ASB2: variants seen among roughly 807,000 people sequenced by gnomAD.
ASB2 encodes ankyrin repeat and SOCS box containing 2, also known as ankyrin repeat and SOCS box protein 2.
In ASB2, 58 loss-of-function variants were observed where a neutral mutation model predicts 62.4. The ratio of observed to expected loss-of-function variants is 0.93; its 90% CI spans 0.75 to 1.16. The LOEUF (loss-of-function observed/expected upper bound fraction) is 1.16, where lower values mean the gene tolerates loss of function less well. Among genes scored for constraint, ASB2 ranks in the 50% most tolerant of loss-of-function variants. ASB2 has a pLI of 0.00. For synonymous variants in ASB2, 386 were observed against 385.3 expected, an observed-to-expected ratio of 1.00 and a Z score of -0.02; for missense variants, 928 against 887.9, an observed-to-expected ratio of 1.05 and a Z score of -0.57.
intron 1 of ASB2, among the ~76,000 whole-genome samples, chr14:93,967,432 G>A: frequency 6.6e-6 from 1 of 152,254 alleles, no homozygotes; most frequent in East Asian, 1.9e-4. Context: ...AGCAGGAAGT[G>A]CTGGTGCCCA....
At chr14:93,957,873 G>C (rs1015629274) in intron 2 of ASB2, among the ~76,000 whole-genome samples, 1 of 152,046 alleles carries the variant, frequency 6.6e-6, no homozygotes, top group East Asian at 1.9e-4. Context: ...TGGCACTCTC[G>C]ACACCCCAGT....
intron 7 of ASB2, among the ~76,000 whole-genome samples, chr14:93,940,918 C>G (rs562682949): frequency 6.6e-6 from 1 of 152,346 alleles, no homozygotes; most frequent in African/African-American, 2.4e-5. Flanking sequence ...CCCAGGCAGT[C>G]TGACCCCAAA....
chr14:93,956,974 G>A, intron 2 of ASB2, 104 bp from the exon 3 acceptor site: 1 of 1,494,584 alleles, frequency 6.7e-7, no homozygotes. Flanking sequence ...GCCAGGGAGA[G>A]ACTGACTGAC....
intron 2 of ASB2, among the ~76,000 whole-genome samples, chr14:93,961,290 C>T (rs1445973384): frequency 6.6e-6 from 1 of 152,218 alleles, no homozygotes; most frequent in African/African-American, 2.4e-5. Flanking sequence ...AGCCACCCAC[C>T]TAAGGTTGCA....
chr14:93,963,410 C>T (rs1398148696), intron 2 of ASB2, among the ~76,000 whole-genome samples: 2 of 152,076 alleles, frequency 1.3e-5, no homozygotes, highest in Admixed American at 6.5e-5. Context: ...GGGTGAGGAG[C>T]AAAAGCAATT....
chr14:93,957,458 C>A (rs1363586898), intron 2 of ASB2: 7 of 934,326 alleles, frequency 7.5e-6, no homozygotes, highest in African/African-American at 1.8e-5. Context: ...GGAAGGGCGT[C>A]GGAACCAGGG....
intron 2 of ASB2, among the ~76,000 whole-genome samples, chr14:93,961,700 A>T (rs1298311670): frequency 6.6e-6 from 1 of 152,192 alleles, no homozygotes; most frequent in Non-Finnish European, 1.5e-5. Flanking sequence ...ATTTATTTGG[A>T]CAGATAAAAG....
intron 1 of ASB2, among the ~76,000 whole-genome samples, chr14:93,974,889 C>T (rs961918130): frequency 1.3e-5 from 2 of 152,200 alleles, no homozygotes; most frequent in South Asian, 2.1e-4. Flanking sequence ...GGTCACCGTG[C>T]GTGGGTTAGA....
At chr14:93,945,811 A>T (rs1261412325) in intron 7 of ASB2, among the ~76,000 whole-genome samples, 1 of 152,170 alleles carries the variant, frequency 6.6e-6, no homozygotes, top group East Asian at 1.9e-4. Context: ...AGTCTTTGGA[A>T]TGTCACTTTG....
chr14:93,944,758 C>T (rs1261603385), intron 7 of ASB2, among the ~76,000 whole-genome samples: 2 of 152,138 alleles, frequency 1.3e-5, no homozygotes, highest in Non-Finnish European at 2.9e-5. Flanking sequence ...GGGAATTCGC[C>T]CTGGGAATCC....
chr14:93,944,785 G>T (rs1316112593), intron 7 of ASB2, among the ~76,000 whole-genome samples: 1 of 152,206 alleles, frequency 6.6e-6, no homozygotes, highest in Non-Finnish European at 1.5e-5. Context: ...ATCCAAGGTA[G>T]ATGAGTTTAC....
rs146074696 is a variant in ASB2, at chr14:93,972,925, C to A, written c.-74+3509G>T. On this transcript the variant is annotated intron_variant, in intron 1 of 9. Transcript: ENST00000555019. ...AAGGAAAGCACCCACAAAGGCCAAG[C>A]TTCCAGTTTACCCCCAGCCACCACC... 2.6e-5 allele frequency among the ~76,000 whole-genome samples: 4 copies of A among 152,354 alleles called. No individual in the cohort carries two copies. In the East Asian group the frequency reaches 7.7e-4, roughly 29 times the overall value.
chr14:93,964,219 T>G, intron 2 of ASB2, 115 bp downstream of exon 2: 9 of 969,208 alleles, frequency 9.3e-6, no homozygotes, highest in Non-Finnish European at 1.4e-5. Context: ...GGGAAAGGTG[T>G]GAAAAGCAAC....
chr14:93,953,340 T>C lies in ASB2; in HGVS notation c.634+12A>G, dbSNP rs532338811. On this transcript the variant is annotated intron_variant, in intron 5 of 9. Coordinates refer to ENST00000555019, the MANE Select transcript of ASB2 (RefSeq NM_001202429.2). ...TTCCGCAGGAAAGCTCACTCCGGGG[T>C]GGGGACCTCACCTTTGTAGAGCGGT... 1.7e-5 allele frequency: 26 copies of C among 1,558,822 alleles called. No homozygotes were observed. In the African/African-American group the frequency reaches 3.3e-4, roughly 20 times the overall value.
At chr14:93,941,025 C>T (rs1888497952) in intron 7 of ASB2, among the ~76,000 whole-genome samples, 1 of 152,188 alleles carries the variant, frequency 6.6e-6, no homozygotes, top group African/African-American at 2.4e-5. Flanking sequence ...TGTTAACTTG[C>T]CTGCCCATTT....
chr14:93,961,685 T>A (rs2896252), intron 2 of ASB2, among the ~76,000 whole-genome samples: 97,032 of 152,106 alleles, frequency 0.64, 32,765 homozygotes, highest in East Asian at 0.97. Context: ...CTAAACTTGC[T>A]GTGAATTTAT....
chr14:93,951,430 G>A (rs1366383724), intron 5 of ASB2, among the ~76,000 whole-genome samples, 186 bp from the exon 6 acceptor site: 1 of 152,220 alleles, frequency 6.6e-6, no homozygotes, highest in African/African-American at 2.4e-5. Context: ...ACTAACATTA[G>A]CAAGAATACT....
At chr14:93,952,469 A>T (rs1045597752) in intron 5 of ASB2, among the ~76,000 whole-genome samples, 1 of 152,224 alleles carries the variant, frequency 6.6e-6, no homozygotes, top group Admixed American at 6.5e-5. Context: ...CACTGGATAG[A>T]CACATGGGAA....
chr14:93,954,453 C>T lies in ASB2; in HGVS notation c.342G>A (p.Lys114=), dbSNP rs746369094. 1 of 1,614,222 alleles carries T rather than the reference C, an allele frequency of 6.2e-7. No individual in the cohort carries two copies. The highest frequency in any genetic ancestry group is 1.1e-5 in the South Asian group (1 of 91,088). ...TCTTCAAGGCCTCTTCATCGCCATC[C>T]TTGATGGCCTTTATCAAGGGGTCCG... ...APADPLIKAI[K]DGDEEALKTM... is the part of the protein sequence containing the mutation. Residue 114 remains lysine (K), a synonymous_variant, in exon 4 of 10, where the codon AAG becomes AAA. Coordinates refer to ENST00000555019, the MANE Select transcript of ASB2 (RefSeq NM_001202429.2).
Sources: gnomAD v4.1 joint callset for allele counts (sites outside exome capture counted in the v4.1 genomes callset) on GRCh38, gnomAD v4.1.1 for gene constraint, MANE v1.5 for transcripts, NCBI Gene and HGNC (gene_info 2026-07-23, HGNC 2026-07-21) for gene names.